Variants in EIF2S1 observed in about 807,000 individuals in gnomAD.
EIF2S1 encodes the protein eukaryotic translation initiation factor 2 subunit 1.
A neutral mutation model predicts 33.5 loss-of-function variants in EIF2S1; 5 were observed. The ratio of observed to expected loss-of-function variants is 0.15; its 90% confidence interval spans 0.08 to 0.31. The LOEUF is 0.31. EIF2S1 is among the 10% of genes least tolerant of loss of function. The probability of loss-of-function intolerance (pLI) is 1.00; values close to 1 mark genes in which losing one functional copy is unlikely to be tolerated. For missense variants in EIF2S1, 191 were observed against 384.6 expected, an observed-to-expected ratio of 0.50 and a Z score of 4.21; for synonymous variants, 99 against 127.5, an observed-to-expected ratio of 0.78 and a Z score of 1.51.
rs554943372 is a variant in EIF2S1, at chr14:67,381,906, A to C, written c.678+216A>C. Among the ~76,000 whole-genome samples, 7 of 152,186 alleles carry C rather than the reference A, an allele frequency of 4.6e-5. No individual in the cohort carries two copies. In the South Asian group the frequency reaches 1.5e-3, roughly 32 times the overall value. ...CTACTGTTACTATCACAGTGGATGG[A>C]GATTCCTATTGGTAGAAAGCCAGCG... On this transcript the variant is annotated intron_variant, in intron 6 of 7. Coordinates refer to ENST00000256383, the MANE Select transcript of EIF2S1 (RefSeq NM_004094.5).
At chr14:67,372,215 C>G (rs776761329) in intron 2 of EIF2S1, among the ~76,000 whole-genome samples, 1 of 152,102 alleles carries the variant, frequency 6.6e-6, no homozygotes, top group Non-Finnish European at 1.5e-5. Flanking sequence ...AAAAAATTAT[C>G]TTTTTAACAA....
intron 3 of EIF2S1, 60 bp downstream of exon 3, chr14:67,374,607 A>G (rs1400725566): frequency 2.6e-6 from 3 of 1,167,762 alleles, no homozygotes; most frequent in Non-Finnish European, 3.7e-6. Context: ...ATAATTTGAA[A>G]TCTTAATTTC....
intron 5 of EIF2S1, 76 bp downstream of exon 5, chr14:67,380,841 A>G (rs931214963): frequency 1.4e-6 from 1 of 717,330 alleles, no homozygotes; most frequent in South Asian, 3.4e-5. Flanking sequence ...GACTTACCAA[A>G]GAATATGTTG....
At chr14:67,376,619 A>C (rs1566615281) in intron 4 of EIF2S1, 29 bp downstream of exon 4, 1 of 1,602,372 alleles carries the variant, frequency 6.2e-7, no homozygotes, top group Non-Finnish European at 8.5e-7. Context: ...CTCTCCTTCT[A>C]CCTTGATATC....
chr14:67,381,812 T>A, intron 6 of EIF2S1, 122 bp downstream of exon 6: 1 of 633,714 alleles, frequency 1.6e-6, no homozygotes, highest in Non-Finnish European at 2.7e-6. Flanking sequence ...TTTTTACTCT[T>A]AAAATTGAGC....
chr14:67,365,402 A>G (rs951575840), intron 2 of EIF2S1, among the ~76,000 whole-genome samples: 6 of 152,254 alleles, frequency 3.9e-5, no homozygotes, highest in African/African-American at 1.4e-4. Context: ...CTGGGTAAGC[A>G]TGAAAATGGG....
chr14:67,368,860 A>C (rs113377008), intron 2 of EIF2S1, among the ~76,000 whole-genome samples: 1 of 152,228 alleles, frequency 6.6e-6, no homozygotes, highest in Non-Finnish European at 1.5e-5. Flanking sequence ...ATCTCTAGAA[A>C]TAAGTAAGTA....
chr14:67,364,724 A>ATT, intron 1 of EIF2S1, 43 bp from the exon 2 acceptor site: 1 of 1,548,866 alleles, frequency 6.5e-7, no homozygotes. Context: ...TTTTATTTTC[A>ATT]CCTTAACTGA....
rs527486577 is a variant in EIF2S1 at position 67,385,361 on chromosome 14, C to G, written c.*1921C>G. The G allele has an allele frequency of 1.3e-5, 2 of 150,650 alleles. No homozygotes were observed. The highest frequency in any genetic ancestry group is 6.6e-5 in the Admixed American group (1 of 15,062). 9.3% of individuals were successfully genotyped at this position (150,650 alleles called of 1,614,324 possible). A position where few individuals can be genotyped will look rare whatever the true frequency, so the allele number is the denominator to read the frequency against. On this transcript the variant is annotated 3_prime_UTR_variant, in exon 8 of 8. Coordinates refer to ENST00000256383, the MANE Select transcript of EIF2S1 (RefSeq NM_004094.5). ...AACCCTGGCACTTAAGGGGCCAAGG[C>G]AGGAGGATCACTTGAGGCCAGTGAG...
chr14:67,383,170 C>A, intron 7 of EIF2S1, 145 bp from the exon 8 acceptor site: 1 of 828,102 alleles, frequency 1.2e-6, no homozygotes, highest in Non-Finnish European at 1.8e-6. Context: ...GAATTTATTG[C>A]TGATAAGTCA....
chr14:67,371,532 G>A (rs1341299742), intron 2 of EIF2S1, among the ~76,000 whole-genome samples: 1 of 152,138 alleles, frequency 6.6e-6, no homozygotes, highest in Non-Finnish European at 1.5e-5. Flanking sequence ...TTCATAGAGT[G>A]TGCTGCTTAC....
chr14:67,374,150 T>C (rs1595647618), intron 2 of EIF2S1, among the ~76,000 whole-genome samples: 1 of 152,270 alleles, frequency 6.6e-6, no homozygotes, highest in East Asian at 1.9e-4. Context: ...AATCTGAAAC[T>C]TTTGAGCACC....
At chr14:67,368,920 T>G (rs1013703368) in intron 2 of EIF2S1, among the ~76,000 whole-genome samples, 3 of 151,790 alleles carry the variant, frequency 2.0e-5, no homozygotes, top group African/African-American at 7.3e-5. Context: ...AAAATGGAAT[T>G]CTAGAAAACA....
intron 1 of EIF2S1, among the ~76,000 whole-genome samples, chr14:67,361,502 A>G (rs1326733362): frequency 6.6e-6 from 1 of 152,260 alleles, no homozygotes; most frequent in East Asian, 1.9e-4. Context: ...TTCAGAGAGC[A>G]TTCCTAATAC....
intron 7 of EIF2S1, 64 bp downstream of exon 7, chr14:67,382,654 T>C (rs12895399): frequency 1.4e-5 from 22 of 1,563,662 alleles, no homozygotes; most frequent in Non-Finnish European, 1.8e-5. Context: ...TTCTTGTAGG[T>C]AAATAAGAGC....
At chr14:67,368,493 A>G (rs2085796001) in intron 2 of EIF2S1, among the ~76,000 whole-genome samples, 1 of 152,134 alleles carries the variant, frequency 6.6e-6, no homozygotes, top group Non-Finnish European at 1.5e-5. Flanking sequence ...AATAATATTA[A>G]TAATAAAATA....
intron 2 of EIF2S1, among the ~76,000 whole-genome samples, chr14:67,371,548 C>T (rs769579997): frequency 9.9e-5 from 15 of 152,106 alleles, no homozygotes; most frequent in African/African-American, 1.4e-4. Context: ...CTTACATAGA[C>T]CTTATAGCCT....
In EIF2S1 at chr14:67,382,003, CT is replaced by C. The variant is rs1193983117; in HGVS notation, c.678+316del. On this transcript the variant is annotated intron_variant, in intron 6 of 7. Coordinates refer to ENST00000256383, the MANE Select transcript of EIF2S1 (RefSeq NM_004094.5). ...GAGAGCACTTTAAAAAAGAGTAACA[CT>C]TTCTTCTATCTGTACACATACAAGT... 5.9e-5 allele frequency among the ~76,000 whole-genome samples: 9 copies of C among 152,180 alleles called. No individual in the cohort carries two copies. In the East Asian group the frequency reaches 1.4e-3, roughly 23 times the overall value.
intron 4 of EIF2S1, among the ~76,000 whole-genome samples, chr14:67,378,652 T>C (rs1227063790): frequency 6.6e-6 from 1 of 152,222 alleles, no homozygotes; most frequent in African/African-American, 2.4e-5. Flanking sequence ...GCTTCTTTAG[T>C]TACCTCTTTA....
Sources: allele counts gnomAD v4.1 joint callset (sites outside exome capture counted in the v4.1 genomes callset), GRCh38; gene constraint gnomAD v4.1.1; transcripts MANE v1.5; gene names NCBI Gene and HGNC (gene_info 2026-07-23, HGNC 2026-07-21).